Variants in MAP3K20 observed in about 807,000 individuals in gnomAD.
The protein encoded by MAP3K20 is HCCS-4.
A neutral mutation model predicts 85.7 loss-of-function variants in MAP3K20; 40 were observed. The observed-to-expected ratio is 0.47, with a 90% confidence interval of 0.36 to 0.61. MAP3K20 has a LOEUF of 0.61. Among genes scored for constraint, MAP3K20 ranks in the 20% least tolerant of loss-of-function variants. The probability of loss-of-function intolerance (pLI) is 0.00; values close to 1 mark genes in which losing one functional copy is unlikely to be tolerated. For synonymous variants in MAP3K20, 325 were observed against 327.7 expected, an observed-to-expected ratio of 0.99 and a Z score of 0.09; for missense variants, 817 against 961.7, an observed-to-expected ratio of 0.85 and a Z score of 1.99.
intron 8 of MAP3K20, among the ~76,000 whole-genome samples, chr2:173,202,404 C>G (rs888267613): frequency 1.9e-4 from 29 of 152,208 alleles, no homozygotes; most frequent in African/African-American, 7.0e-4. Flanking sequence ...CCAAATCCAG[C>G]CAAGTTCAGT....
chr2:173,178,803 C>A (rs755765524), intron 3 of MAP3K20, among the ~76,000 whole-genome samples: 10 of 152,042 alleles, frequency 6.6e-5, no homozygotes, highest in Non-Finnish European at 1.3e-4. Context: ...TCTATATGAA[C>A]AAGCAGTATT....
At chr2:173,169,752 GACT>G in intron 2 of MAP3K20, 50 bp from the exon 3 acceptor site, 1 of 1,541,504 alleles carries the variant, frequency 6.5e-7, no homozygotes, top group East Asian at 2.3e-5. Context: ...TGTTTTATTT[GACT>G]ATTATAAATG....
intron 11 of MAP3K20, chr2:173,227,292 A>G (rs950515518): frequency 2.9e-6 from 1 of 345,224 alleles, no homozygotes; most frequent in African/African-American, 2.2e-5. Flanking sequence ...ATAAATTTGT[A>G]AAGTGATGGG....
intron 3 of MAP3K20, among the ~76,000 whole-genome samples, chr2:173,179,739 C>CACACACAA (rs1487261829): frequency 6.9e-6 from 1 of 143,894 alleles, no homozygotes; most frequent in African/African-American, 2.5e-5. Flanking sequence ...CACACACACA[C>CACACACAA]AAAAGCTACT....
chr2:173,226,375 G>C (rs1038445968), intron 11 of MAP3K20: 1 of 985,032 alleles, frequency 1.0e-6, no homozygotes, highest in African/African-American at 1.8e-5. Context: ...CCTTTTGAAA[G>C]TAGCAGAGTT....
chr2:173,125,723 CG>C (rs1395777862), intron 2 of MAP3K20, among the ~76,000 whole-genome samples: 1 of 151,868 alleles, frequency 6.6e-6, no homozygotes, highest in Non-Finnish European at 1.5e-5. Context: ...AGTGCAGTGG[CG>C]CGATCTCAGC....
At chr2:173,186,546 A>AT in intron 4 of MAP3K20, among the ~76,000 whole-genome samples, 1 of 19,280 alleles carries the variant, frequency 5.2e-5, no homozygotes, top group Non-Finnish European at 4.8e-4. Context: ...ATCATAATTA[A>AT]AATAGAAGAA....
At chr2:173,208,162 G>C (rs141853494) in intron 9 of MAP3K20, among the ~76,000 whole-genome samples, 2,562 of 152,294 alleles carry the variant, frequency 0.017, 41 homozygotes, top group Admixed American at 0.042. Context: ...CACTTTAGGA[G>C]GCTGAGGCAG....
intron 2 of MAP3K20, among the ~76,000 whole-genome samples, chr2:173,113,767 A>G (rs114714355): frequency 1.4e-3 from 219 of 152,074 alleles, no homozygotes; most frequent in African/African-American, 5.1e-3. Flanking sequence ...GCTTGATATA[A>G]TTTCAGTTTT....
intron 10 of MAP3K20, 100 bp downstream of exon 10, chr2:173,209,935 T>G (rs778025335): frequency 9.2e-7 from 1 of 1,083,110 alleles, no homozygotes; most frequent in South Asian, 1.3e-5. Flanking sequence ...AGTCCTGATT[T>G]CTGACCATAG....
At position 173,226,966 on chromosome 2, in the gene MAP3K20, C is replaced by T. The variant is rs368285973; in HGVS notation, c.988-2723C>T. The stretch of plus-strand genomic sequence containing the variant: ...TGTTTGTATGGAAGATTAAATTTTA[C>T]TCTTGTGTGGTAAGACTATTTCAGT... On this transcript the variant is annotated intron_variant, in intron 11 of 19. Coordinates refer to ENST00000375213, the MANE Select transcript of MAP3K20 (RefSeq NM_016653.3). 25 of 985,470 alleles carry T rather than the reference C, an allele frequency of 2.5e-5. 1 individual carries two copies. The African/African-American group carries it at 4.2e-4, about 17-fold the overall frequency. 61.0% of individuals were successfully genotyped at this position (985,470 alleles called of 1,614,324 possible).
chr2:173,116,393 C>A (rs1688125362), intron 2 of MAP3K20, among the ~76,000 whole-genome samples: 1 of 152,216 alleles, frequency 6.6e-6, no homozygotes, highest in South Asian at 2.1e-4. Flanking sequence ...TAACCAAAAT[C>A]TCATGTCCTT....
At chr2:173,083,788 T>C (rs1015991082) in intron 1 of MAP3K20, among the ~76,000 whole-genome samples, 4 of 152,212 alleles carry the variant, frequency 2.6e-5, no homozygotes, top group African/African-American at 9.6e-5. Context: ...AGCATAAATA[T>C]CAAGGCAGCA....
intron 3 of MAP3K20, among the ~76,000 whole-genome samples, chr2:173,172,066 G>T (rs533627540): frequency 1.2e-4 from 19 of 152,322 alleles, no homozygotes; most frequent in African/African-American, 4.3e-4. Context: ...TGCATGGGTA[G>T]TAGAAAATAT....
intron 14 of MAP3K20, among the ~76,000 whole-genome samples, chr2:173,235,012 G>A (rs1684614331): frequency 6.6e-6 from 1 of 152,252 alleles, no homozygotes; most frequent in Non-Finnish European, 1.5e-5. Flanking sequence ...TCACAGGTAA[G>A]AGGGCTGTTC....
chr2:173,184,366 A>G (rs1456619103), intron 4 of MAP3K20, among the ~76,000 whole-genome samples: 1 of 152,200 alleles, frequency 6.6e-6, no homozygotes, highest in Non-Finnish European at 1.5e-5. Context: ...CTTTATTGGC[A>G]CTTAGAATAG....
rs1444255549 is a variant in MAP3K20, at chr2:173,193,782, G to A, written c.582+2605G>A. ...AGAAACTATGCACCACATTTCAGTA[G>A]AAGGGCTTGAACACGTCTCTTTGTG... On this transcript the variant is annotated intron_variant, in intron 7 of 19. Coordinates refer to ENST00000375213, the MANE Select transcript of MAP3K20 (RefSeq NM_016653.3). Among the ~76,000 whole-genome samples the A allele has an allele frequency of 3.3e-5, 5 of 152,168 alleles. No homozygotes were observed. In the East Asian group the frequency reaches 9.6e-4, roughly 29 times the overall value.
intron 2 of MAP3K20, among the ~76,000 whole-genome samples, chr2:173,146,650 A>G (rs1034123666): frequency 1.4e-4 from 22 of 152,350 alleles, no homozygotes; most frequent in African/African-American, 5.1e-4. Context: ...TATAAATAGA[A>G]TTTAAAACCA....
chr2:173,258,232 C>A (rs552137950), intron 16 of MAP3K20, among the ~76,000 whole-genome samples: 1 of 152,214 alleles, frequency 6.6e-6, no homozygotes, highest in Admixed American at 6.5e-5. Context: ...TTTCTTGAAC[C>A]CACATCATTA....
Sources: allele counts gnomAD v4.1 joint callset (sites outside exome capture counted in the v4.1 genomes callset), GRCh38; gene constraint gnomAD v4.1.1; transcripts MANE v1.5; gene names NCBI Gene and HGNC (gene_info 2026-07-23, HGNC 2026-07-21).